The following MERTK variants were observed in gnomAD, a reference collection of about 807,000 sequenced individuals.
MERTK encodes the protein MER proto-oncogene, tyrosine kinase.
Under a neutral mutation model 99.3 loss-of-function variants are expected in MERTK, and 69 were observed. That is an observed-to-expected ratio of 0.70 (90% CI 0.57 to 0.85). The LOEUF is 0.85. MERTK is among the 40% of genes least tolerant of loss of function. The pLI, the probability that MERTK is intolerant of heterozygous loss-of-function variation, is 0.00. For synonymous variants in MERTK, 426 were observed against 467.6 expected, an observed-to-expected ratio of 0.91 and a Z score of 1.15; for missense variants, 1,125 against 1,249.4, an observed-to-expected ratio of 0.90 and a Z score of 1.50.
At position 111,947,675 on chromosome 2, in the gene MERTK, A is replaced by G. The variant is rs1684985876; in HGVS notation, c.757+108A>G. The G allele has an allele frequency of 3.0e-6, 4 of 1,339,204 alleles. No individual in the cohort carries two copies. The South Asian group carries it at 3.6e-5, about 12-fold the overall frequency. The allele number at this position is 1,339,204 out of a possible 1,614,324, so 83.0% of individuals were successfully genotyped here. A position where few individuals can be genotyped will look rare whatever the true frequency, so the allele number is the denominator to read the frequency against. ...TAGCAGGCAGTGGAGACAGATGAAA[A>G]TACAGGTGTGGCAGCAAAGTTATGG... On this transcript the variant is annotated intron_variant, in intron 4 of 18. Coordinates refer to ENST00000295408, the MANE Select transcript of MERTK (RefSeq NM_006343.3).
chr2:111,938,050 ACTC>A (rs1344010193), intron 2 of MERTK, among the ~76,000 whole-genome samples: 1 of 151,624 alleles, frequency 6.6e-6, no homozygotes, highest in Non-Finnish European at 1.5e-5. Context: ...AGTAACCACT[ACTC>A]TATTTTTTAT....
intron 2 of MERTK, among the ~76,000 whole-genome samples, chr2:111,935,660 T>A (rs1684752100): frequency 6.6e-6 from 1 of 151,234 alleles, no homozygotes; most frequent in Admixed American, 6.6e-5. Flanking sequence ...TGTGTGTGTG[T>A]GTGTGTGTGT....
intron 6 of MERTK, among the ~76,000 whole-genome samples, chr2:111,973,991 CAAAAAAA>C (rs34537631): frequency 2.4e-5 from 2 of 84,728 alleles, no homozygotes; most frequent in African/African-American, 1.2e-4. Context: ...ATCTCCTCAT[CAAAAAAA>C]AAAAAAAAAA....
At position 112,021,527 on chromosome 2, in the gene MERTK, A is replaced by G; in HGVS notation, c.2295A>G (p.Lys765=). Residue 765 remains lysine, a synonymous_variant, in exon 17 of 19, where the codon AAA becomes AAG. Coordinates refer to ENST00000295408, the MANE Select transcript of MERTK (RefSeq NM_006343.3). ...GCCGCATTGCTAAGATGCCTGTTAA[A>G]TGGATCGCCATAGAAAGTCTTGCAG... ...RQGRIAKMPV[K]WIAIESLADR... is the part of the protein sequence containing the mutation. 3 of 1,613,824 alleles carry G rather than the reference A, an allele frequency of 1.9e-6. No individual in the cohort carries two copies. Among genetic ancestry groups the G allele is most frequent in the Non-Finnish European group, 2.5e-6 (3 of 1,179,838 alleles).
intron 2 of MERTK, among the ~76,000 whole-genome samples, chr2:111,929,753 ATTTTTTTTT>A (rs72180817): frequency 0.5 from 71,226 of 143,310 alleles, 17,660 homozygotes; most frequent in South Asian, 0.57. Context: ...CACCCAGCTA[ATTTTTTTTT>A]TTTTTTTTTT....
chr2:111,978,435 A>G (rs2104736942), intron 7 of MERTK, among the ~76,000 whole-genome samples: 1 of 150,634 alleles, frequency 6.6e-6, no homozygotes, highest in East Asian at 1.9e-4. Context: ...ATGAGCCACC[A>G]CACCCAGCAT....
chr2:111,915,496 C>T (rs1414643088), intron 1 of MERTK, among the ~76,000 whole-genome samples: 3 of 152,012 alleles, frequency 2.0e-5, no homozygotes, highest in Non-Finnish European at 4.4e-5. Context: ...AAATTTTCCC[C>T]AGCACTGCTT....
At position 111,994,353 on chromosome 2, in the gene MERTK, G is replaced by T. The variant is rs763782785; in HGVS notation, c.1399G>T (p.Gly467Trp). The T allele has an allele frequency of 1.3e-5, 21 of 1,613,994 alleles. No homozygotes were observed. In the Admixed American group the frequency reaches 2.8e-4, roughly 22 times the overall value. Residue 467 changes from glycine (G) to tryptophan (W), a missense_variant, in exon 9 of 19, where the codon GGG becomes TGG. Coordinates refer to ENST00000295408, the MANE Select transcript of MERTK (RefSeq NM_006343.3). Reference protein sequence around the residue: ...CTVRIAAVTRGGVGPFSDPVK... With the variant: ...CTVRIAAVTRWGVGPFSDPVK... Reference sequence around the variant, plus strand: ...AGTGAGGATTGCAGCCGTCACCAGAGGGGGAGTTGGGCCCTTCAGTGATCC... The same window carrying T: ...AGTGAGGATTGCAGCCGTCACCAGATGGGGAGTTGGGCCCTTCAGTGATCC...
In MERTK at chr2:112,022,260, G is replaced by A. The variant is rs2104424446; in HGVS notation, c.2352G>A (p.Trp784Ter). 1 of 1,614,198 alleles carries A rather than the reference G, an allele frequency of 6.2e-7. No individual in the cohort carries two copies. Among genetic ancestry groups the A allele is most frequent in the Non-Finnish European group, 8.5e-7 (1 of 1,180,044 alleles). Residue 784 changes from tryptophan to a stop codon, truncating the protein, a stop_gained and splice_region_variant, in exon 18 of 19, where the codon TGG becomes TGA. Coordinates refer to ENST00000295408, the MANE Select transcript of MERTK (RefSeq NM_006343.3). LOFTEE classifies it high-confidence loss of function. ...ACTTGTTGTTGCTTTGTTCCCAGTG[G>A]GCATTTGGCGTGACCATGTGGGAAA... ...DRVYTSKSDV[W>*]AFGVTMWEIA... is the part of the protein sequence containing the mutation.
intron 1 of MERTK, among the ~76,000 whole-genome samples, chr2:111,920,791 A>T (rs1684441989): frequency 6.6e-6 from 1 of 152,034 alleles, no homozygotes; most frequent in Non-Finnish European, 1.5e-5. Context: ...AGTAGCTGGG[A>T]TTACAGGCGC....
chr2:112,024,258 C>T (rs966624236), intron 18 of MERTK, among the ~76,000 whole-genome samples: 3 of 152,216 alleles, frequency 2.0e-5, no homozygotes, highest in Admixed American at 6.5e-5. Context: ...TCTGAGCTTT[C>T]CTTGCCCACC....
At position 111,968,131 on chromosome 2, in the gene MERTK, A is replaced by G; in HGVS notation, c.845-6A>G. ...TATGTGTGTGTGTGTGTTTTGTTTT[A>G]TGCAGCAATTCCCTCCCCACCAACT... On this transcript the variant is annotated splice_region_variant and splice_polypyrimidine_tract_variant and intron_variant, in intron 5 of 18. Transcript: ENST00000295408. 12 of 1,457,592 alleles carry G rather than the reference A, an allele frequency of 8.2e-6. No individual in the cohort carries two copies. Among genetic ancestry groups the G allele is most frequent in the Non-Finnish European group, 1.2e-5 (12 of 1,043,128 alleles). The allele number at this position is 1,457,592 out of a possible 1,614,324, so 90.3% of individuals were successfully genotyped here. A position where few individuals can be genotyped will look rare whatever the true frequency, so the allele number is the denominator to read the frequency against.
chr2:111,987,931 T>C (rs568641740), intron 8 of MERTK, among the ~76,000 whole-genome samples: 2 of 152,224 alleles, frequency 1.3e-5, no homozygotes, highest in South Asian at 4.2e-4. Flanking sequence ...GTATAGATCT[T>C]GGAAGTCTCA....
chr2:111,962,686 C>T (rs968713869), intron 4 of MERTK, among the ~76,000 whole-genome samples: 2 of 152,168 alleles, frequency 1.3e-5, no homozygotes, highest in African/African-American at 4.8e-5. Flanking sequence ...AAGGTCCATA[C>T]TTTAGTGATA....
Position 112,025,570 on chromosome 2 carries a change from G to A in MERTK, c.2487-2781G>A, listed in dbSNP as rs559326720. ...TGCCACCTGAAGCATCTGAGATCTG[G>A]AGAAGGGACAAGGTGGGAGTCACAG... On this transcript the variant is annotated intron_variant, in intron 18 of 18. Coordinates refer to ENST00000295408, the MANE Select transcript of MERTK (RefSeq NM_006343.3). Among the ~76,000 whole-genome samples the A allele has an allele frequency of 1.6e-3, 244 of 152,232 alleles. 3 individuals are homozygous for A. The highest frequency in any genetic ancestry group is 5.4e-3 in the African/African-American group (224 of 41,530).
intron 15 of MERTK, among the ~76,000 whole-genome samples, chr2:112,010,596 G>A (rs1034898150): frequency 1.3e-5 from 2 of 152,142 alleles, no homozygotes; most frequent in African/African-American, 4.8e-5. Flanking sequence ...AGCTGTAGAG[G>A]CAGTTACGGA....
At position 111,977,076 on chromosome 2, in the gene MERTK, A is replaced by G. The variant is rs889665335; in HGVS notation, c.1144+1604A>G. On this transcript the variant is annotated intron_variant, in intron 7 of 18. Transcript: ENST00000295408. ...ACAAAGAGATTTATATAACCAGGAAAAACACATGTTTATGCATTATAGTTA... is the reference window on the plus strand; with the variant it reads ...ACAAAGAGATTTATATAACCAGGAAGAACACATGTTTATGCATTATAGTTA... Among the ~76,000 whole-genome samples the G allele has an allele frequency of 4.6e-5, 7 of 152,172 alleles. No individual in the cohort carries two copies. In the South Asian group the frequency reaches 6.2e-4, roughly 13 times the overall value.
At chr2:112,014,710 A>G (rs1042464868) in intron 15 of MERTK, among the ~76,000 whole-genome samples, 1 of 151,448 alleles carries the variant, frequency 6.6e-6, no homozygotes, top group Non-Finnish European at 1.5e-5. Flanking sequence ...ATCTTGGCTC[A>G]CTGCCACCTA....
rs538117633 is a variant in MERTK at position 111,914,484 on chromosome 2, G to A, written c.62-14636G>A. Among the ~76,000 whole-genome samples, 4 of 152,246 alleles carry A rather than the reference G, an allele frequency of 2.6e-5. No homozygotes were observed. In the South Asian group the frequency reaches 8.3e-4, roughly 32 times the overall value. ...AGTAGAGACAGGGTTTCACCATGTT[G>A]GCCATGCTGGTCTTGAACTCCTGAC... On this transcript the variant is annotated intron_variant, in intron 1 of 18. Transcript: ENST00000295408.
Sources: allele counts gnomAD v4.1 joint callset (sites outside exome capture counted in the v4.1 genomes callset), GRCh38; gene constraint gnomAD v4.1.1; transcripts MANE v1.5; gene names NCBI Gene and HGNC (gene_info 2026-07-23, HGNC 2026-07-21).